URM1: variants seen among roughly 807,000 people sequenced by gnomAD.
The protein encoded by URM1 is ubiquitin related modifier 1, also known as ubiquitin-related modifier 1.
A neutral mutation model predicts 17.7 loss-of-function variants in URM1; 11 were observed. The observed-to-expected ratio is 0.62, with a 90% CI of 0.39 to 1.03. The LOEUF (loss-of-function observed/expected upper bound fraction) is 1.03. Ranked by LOEUF, URM1 falls within the 50% of genes least tolerant of loss-of-function variation. The probability of loss-of-function intolerance (pLI) is 0.00; values close to 1 mark genes in which losing one functional copy is unlikely to be tolerated. For missense variants in URM1, 128 were observed against 129.2 expected, an observed-to-expected ratio of 0.99 and a Z score of 0.04; for synonymous variants, 48 against 50.6, an observed-to-expected ratio of 0.95 and a Z score of 0.22.
intron 2 of URM1, among the ~76,000 whole-genome samples, chr9:128,386,492 C>T (rs1033606428): frequency 6.6e-6 from 1 of 152,234 alleles, no homozygotes; most frequent in Non-Finnish European, 1.5e-5. Context: ...ACACTTTGCC[C>T]GTGGCCCTGT....
intron 2 of URM1, among the ~76,000 whole-genome samples, chr9:128,384,519 C>T (rs889703471): frequency 6.6e-6 from 1 of 152,150 alleles, no homozygotes; most frequent in Non-Finnish European, 1.5e-5. Flanking sequence ...TGGGAAGATA[C>T]GGGATGCCAC....
intron 4 of URM1, 47 bp from the exon 5 acceptor site, chr9:128,389,619 G>A (rs372824048): frequency 5.0e-6 from 8 of 1,611,302 alleles, no homozygotes; most frequent in Non-Finnish European, 5.9e-6. Context: ...GGGTGGACCT[G>A]GGAAGGTGGC....
chr9:128,389,384 T>G, intron 4 of URM1, 75 bp downstream of exon 4: 1 of 1,613,548 alleles, frequency 6.2e-7, no homozygotes, highest in Non-Finnish European at 8.5e-7. Context: ...GGGCCTCTCC[T>G]CAGGCACATA....
chr9:128,383,428 G>A (rs1288988380), intron 2 of URM1, among the ~76,000 whole-genome samples: 1 of 152,044 alleles, frequency 6.6e-6, no homozygotes, highest in Non-Finnish European at 1.5e-5. Flanking sequence ...GGCCTGGGGT[G>A]GGCTCTCCGA....
intron 1 of URM1, among the ~76,000 whole-genome samples, chr9:128,377,297 TG>T (rs1163403310): frequency 6.6e-6 from 1 of 152,058 alleles, no homozygotes; most frequent in Non-Finnish European, 1.5e-5. Flanking sequence ...GAGGCTGAAG[TG>T]GGAGGATTGC....
intron 1 of URM1, among the ~76,000 whole-genome samples, chr9:128,372,089 AAC>A (rs1311221374): frequency 1.3e-5 from 2 of 152,306 alleles, no homozygotes; most frequent in South Asian, 4.1e-4. Context: ...TTACTGAAGA[AAC>A]ACAGAGCAGG....
intron 4 of URM1, 34 bp downstream of exon 4, chr9:128,389,343 C>G (rs1190423056): frequency 4.8e-5 from 78 of 1,613,844 alleles, no homozygotes; most frequent in Non-Finnish European, 5.6e-5. Flanking sequence ...TCCCCCAGCC[C>G]CTGCCCTTGC....
chr9:128,382,085 C>T (rs1564411520), intron 2 of URM1, among the ~76,000 whole-genome samples: 1 of 152,182 alleles, frequency 6.6e-6, no homozygotes, highest in Non-Finnish European at 1.5e-5. Flanking sequence ...CCTTCATCTT[C>T]CAGCCACTGT....
chr9:128,378,302 G>T (rs555293531), intron 2 of URM1, among the ~76,000 whole-genome samples, 196 bp downstream of exon 2: 1 of 151,932 alleles, frequency 6.6e-6, no homozygotes, highest in East Asian at 1.9e-4. Context: ...ACTTTGGGAG[G>T]CCAAGGTGGG....
chr9:128,381,498 AC>A (rs1833159432), intron 2 of URM1, among the ~76,000 whole-genome samples: 1 of 152,146 alleles, frequency 6.6e-6, no homozygotes, highest in Non-Finnish European at 1.5e-5. Flanking sequence ...GGAGTTAGAG[AC>A]CAGCCAGGCC....
chr9:128,389,143 C>T (rs1207121204), intron 3 of URM1, 118 bp from the exon 4 acceptor site: 1 of 1,489,940 alleles, frequency 6.7e-7, no homozygotes, highest in Non-Finnish European at 8.9e-7. Context: ...TTAGCCAGAC[C>T]CCAGGAGGAA....
intron 2 of URM1, among the ~76,000 whole-genome samples, chr9:128,379,430 G>T (rs765498850): frequency 1.3e-5 from 2 of 152,130 alleles, no homozygotes; most frequent in Non-Finnish European, 2.9e-5. Flanking sequence ...AGTGAACCAA[G>T]ATCGCACCAT....
At chr9:128,386,206 G>A (rs548653301) in intron 2 of URM1, among the ~76,000 whole-genome samples, 5 of 152,362 alleles carry the variant, frequency 3.3e-5, no homozygotes, top group South Asian at 4.1e-4. Context: ...TGATGGATGT[G>A]TCAGACCCCG....
Position 128,380,667 on chromosome 9 carries a change from G to T in URM1, c.106+2561G>T, listed in dbSNP as rs529723186. Among the ~76,000 whole-genome samples the T allele has an allele frequency of 5.9e-4, 80 of 136,364 alleles. 1 individual carries two copies. In the East Asian group the frequency reaches 0.015, roughly 26 times the overall value. The allele number at this position is 136,364 out of a possible 152,430, so 89.5% of individuals were successfully genotyped here. A position where few individuals can be genotyped will look rare whatever the true frequency, so the allele number is the denominator to read the frequency against. Reference sequence around the variant, plus strand: ...TTTTTTTTTTTTGAGATGGAGTCTCGCTCTGTCTCCCAGGCTGAAGTGCCG... The same window carrying T: ...TTTTTTTTTTTTGAGATGGAGTCTCTCTCTGTCTCCCAGGCTGAAGTGCCG... On this transcript the variant is annotated intron_variant, in intron 2 of 4. Transcript: ENST00000372853.
rs138951085 is a variant in URM1 at position 128,379,804 on chromosome 9, A to AAAAATAAAATAAAAT, written c.106+1712_106+1726dup. ...AACAGAGCGAGACTCCATCTCAAAAAAAAATAAAATAAAATAAAATAAAAT... is the reference window on the plus strand; with the variant it reads ...AACAGAGCGAGACTCCATCTCAAAAAAAAATAAAATAAAATAAAATAAAATAAAATAAAATAAAAT... On this transcript the variant is annotated intron_variant, in intron 2 of 4. Transcript: ENST00000372853. Among the ~76,000 whole-genome samples the AAAAATAAAATAAAAT allele has an allele frequency of 2.6e-5, 4 of 151,336 alleles. No homozygotes were observed. In the East Asian group the frequency reaches 7.8e-4, roughly 30 times the overall value.
chr9:128,371,770 A>G (rs1246211194), intron 1 of URM1, among the ~76,000 whole-genome samples: 1 of 152,154 alleles, frequency 6.6e-6, no homozygotes, highest in East Asian at 1.9e-4. Context: ...TAGAACCTAG[A>G]AGGACCACCC....
chr9:128,379,979 G>A (rs1833137330), intron 2 of URM1, among the ~76,000 whole-genome samples: 1 of 152,056 alleles, frequency 6.6e-6, no homozygotes, highest in Non-Finnish European at 1.5e-5. Context: ...CAGGCATAGT[G>A]GCATGCACCT....
In URM1 at chr9:128,387,734, C is replaced by G; in HGVS notation, c.107-82C>G. 1 of 1,600,846 alleles carries G rather than the reference C, an allele frequency of 6.2e-7. No homozygotes were observed. The highest frequency in any genetic ancestry group is 8.5e-7 in the Non-Finnish European group (1 of 1,172,620). On this transcript the variant is annotated intron_variant, in intron 2 of 4. Transcript: ENST00000372853. The surrounding 1 kb of genome is among the most constrained non-coding windows in gnomAD (Gnocchi z 4.3). Reference sequence around the variant, plus strand: ...AGCCCTCTAAACACCGTGTGTATTTCCTTGTGGGCCAGGCAAGGCTCTGGG... The same window carrying G: ...AGCCCTCTAAACACCGTGTGTATTTGCTTGTGGGCCAGGCAAGGCTCTGGG...
At chr9:128,383,434 T>C (rs2240948) in intron 2 of URM1, among the ~76,000 whole-genome samples, 49,979 of 151,892 alleles carry the variant, frequency 0.33, 11,758 homozygotes, top group African/African-American at 0.67. Context: ...GGGTGGGCTC[T>C]CCGAAGAGCC....
Sources: allele counts gnomAD v4.1 joint callset (sites outside exome capture counted in the v4.1 genomes callset), GRCh38; gene constraint gnomAD v4.1.1; non-coding constraint Gnocchi (gnomAD v3.1); transcripts MANE v1.5; gene names NCBI Gene and HGNC (gene_info 2026-07-23, HGNC 2026-07-21).